TEAD1: variants seen among roughly 807,000 people sequenced by gnomAD.
The protein encoded by TEAD1 is transcriptional enhancer factor TEF-1.
A neutral mutation model predicts 54.9 loss-of-function variants in TEAD1; 9 were observed. The ratio of observed to expected loss-of-function variants is 0.16; its 90% CI spans 0.10 to 0.29. The LOEUF (loss-of-function observed/expected upper bound fraction) is 0.29, where lower values mean the gene tolerates loss of function less well. TEAD1 is among the 10% of genes least tolerant of loss of function. TEAD1 has a pLI of 1.00. For synonymous variants in TEAD1, 200 were observed against 187.8 expected (o/e 1.07, Z -0.53); for missense variants, 387 against 535.9 (o/e 0.72, Z 2.74).
intron 2 of TEAD1, among the ~76,000 whole-genome samples, chr11:12,710,816 T>C (rs1376824317): frequency 6.6e-6 from 1 of 151,474 alleles, no homozygotes; most frequent in African/African-American, 2.4e-5. Flanking sequence ...GACACGTGAG[T>C]TAGGGAGAGT....
intron 2 of TEAD1, among the ~76,000 whole-genome samples, chr11:12,762,890 C>T (rs1022992544): frequency 6.6e-6 from 1 of 152,098 alleles, no homozygotes; most frequent in Non-Finnish European, 1.5e-5. Context: ...GGTGTGGCCA[C>T]CAGCACCTGC....
At chr11:12,857,442 A>G (rs1489182000) in intron 3 of TEAD1, among the ~76,000 whole-genome samples, 1 of 152,200 alleles carries the variant, frequency 6.6e-6, no homozygotes, top group Non-Finnish European at 1.5e-5. Context: ...GCGTGGTGTA[A>G]GGCAGAAAGG....
chr11:12,782,506 G>A (rs564291061), intron 3 of TEAD1, among the ~76,000 whole-genome samples: 1 of 152,210 alleles, frequency 6.6e-6, no homozygotes, highest in African/African-American at 2.4e-5. Context: ...CTGCAAATGG[G>A]TATGGAGTTC....
At chr11:12,776,781 A>G (rs71481074) in intron 3 of TEAD1, among the ~76,000 whole-genome samples, 4 of 110,506 alleles carry the variant, frequency 3.6e-5, no homozygotes, top group South Asian at 2.3e-4. Context: ...TATTATTATT[A>G]TTATTATTAT....
chr11:12,809,578 C>T (rs1946249708), intron 3 of TEAD1, among the ~76,000 whole-genome samples: 1 of 151,790 alleles, frequency 6.6e-6, no homozygotes, highest in Non-Finnish European at 1.5e-5. Context: ...AGGAACTCTC[C>T]ACCCTTGAGA....
At chr11:12,776,757 TTTA>T (rs71037087) in intron 3 of TEAD1, among the ~76,000 whole-genome samples, 26,929 of 137,530 alleles carry the variant, frequency 0.2, 2,879 homozygotes, top group East Asian at 0.29. Flanking sequence ...CATTTGGATA[TTTA>T]TTATTATTAT....
At chr11:12,760,767 C>T (rs1466270736) in intron 2 of TEAD1, among the ~76,000 whole-genome samples, 1 of 152,156 alleles carries the variant, frequency 6.6e-6, no homozygotes, top group African/African-American at 2.4e-5. Context: ...GATACAAGGC[C>T]AGTTTCCAGG....
chr11:12,928,908 G>GA (rs1278172623), intron 11 of TEAD1, among the ~76,000 whole-genome samples: 1 of 152,170 alleles, frequency 6.6e-6, no homozygotes, highest in African/African-American at 2.4e-5. Context: ...AGTTTTCGAG[G>GA]ATACAGCGCC....
chr11:12,920,415 C>T (rs1179891142), intron 10 of TEAD1, among the ~76,000 whole-genome samples: 2 of 152,154 alleles, frequency 1.3e-5, no homozygotes, highest in Non-Finnish European at 2.9e-5. Context: ...TCTATTTACT[C>T]TCCCAGTGAC....
At chr11:12,808,047 T>G (rs946696576) in intron 3 of TEAD1, among the ~76,000 whole-genome samples, 1 of 152,198 alleles carries the variant, frequency 6.6e-6, no homozygotes, top group Non-Finnish European at 1.5e-5. Flanking sequence ...AGAAGTTTTG[T>G]TTCTAAATGA....
At chr11:12,867,115 T>G (rs1234089294) in intron 5 of TEAD1, among the ~76,000 whole-genome samples, 1 of 152,188 alleles carries the variant, frequency 6.6e-6, no homozygotes, top group Non-Finnish European at 1.5e-5. Context: ...AGAGTATAAT[T>G]GACTAGTCAC....
At chr11:12,715,937 C>T (rs574585999) in intron 2 of TEAD1, among the ~76,000 whole-genome samples, 93 of 152,132 alleles carry the variant, frequency 6.1e-4, no homozygotes, top group South Asian at 1.7e-3. Flanking sequence ...GGGGAAAGAC[C>T]AACAAGAACA....
chr11:12,719,609 G>T (rs1024912667), intron 2 of TEAD1, among the ~76,000 whole-genome samples: 2 of 151,872 alleles, frequency 1.3e-5, no homozygotes, highest in East Asian at 3.9e-4. Flanking sequence ...TGTCAAAAAG[G>T]TCAGGCTAGG....
intron 2 of TEAD1, among the ~76,000 whole-genome samples, chr11:12,684,497 C>T (rs963335102): frequency 1.3e-5 from 2 of 152,150 alleles, no homozygotes; most frequent in African/African-American, 4.8e-5. Flanking sequence ...ATTGCATAAT[C>T]CCCCCTGGGG....
intron 2 of TEAD1, among the ~76,000 whole-genome samples, chr11:12,727,444 C>T (rs532894279): frequency 6.6e-6 from 1 of 152,290 alleles, no homozygotes; most frequent in East Asian, 1.9e-4. Context: ...CTGAACCTTG[C>T]TGCCCTGTTT....
chr11:12,753,007 ATTTTTT>A (rs1276478132), intron 2 of TEAD1, among the ~76,000 whole-genome samples: 2 of 138,094 alleles, frequency 1.4e-5, no homozygotes, highest in African/African-American at 2.7e-5. Context: ...CACCCAGCTA[ATTTTTT>A]TTTTTTTTTT....
intron 3 of TEAD1, among the ~76,000 whole-genome samples, chr11:12,847,756 A>G (rs904070657): frequency 6.6e-6 from 1 of 152,086 alleles, no homozygotes; most frequent in African/African-American, 2.4e-5. Context: ...TCCTGGCCTC[A>G]AGCAGTCCTC....
At chr11:12,830,543 G>T (rs1946752416) in intron 3 of TEAD1, among the ~76,000 whole-genome samples, 1 of 152,048 alleles carries the variant, frequency 6.6e-6, no homozygotes, top group Admixed American at 6.5e-5. Context: ...CTGGGAGACT[G>T]CAGCCTCCCC....
chr11:12,905,418 T>C (rs984221787), intron 10 of TEAD1, among the ~76,000 whole-genome samples: 1 of 152,210 alleles, frequency 6.6e-6, no homozygotes, highest in African/African-American at 2.4e-5. Flanking sequence ...AGAACTTCCA[T>C]GAATATGATA....
Sources: allele counts gnomAD v4.1 joint callset (sites outside exome capture counted in the v4.1 genomes callset), GRCh38; gene constraint gnomAD v4.1.1; transcripts MANE v1.5; gene names NCBI Gene and HGNC (gene_info 2026-07-23, HGNC 2026-07-21).